LHX8: variants seen among roughly 807,000 people sequenced by gnomAD.
LHX8 encodes the protein LIM/homeobox protein Lhx8.
Under a neutral mutation model 40.3 loss-of-function variants are expected in LHX8, and 12 were observed. The observed-to-expected ratio is 0.30, with a 90% confidence interval of 0.19 to 0.48. LHX8 has a LOEUF of 0.48. Ranked by LOEUF, LHX8 falls within the 20% of genes least tolerant of loss-of-function variation. The pLI, the probability that LHX8 is intolerant of heterozygous loss-of-function variation, is 0.99. For missense variants in LHX8, 344 were observed against 433.7 expected, an observed-to-expected ratio of 0.79 and a Z score of 1.84; for synonymous variants, 179 against 162.0, an observed-to-expected ratio of 1.10 and a Z score of -0.80.
chr1:75,169,191 C>A, the LHX8 span, among the ~76,000 whole-genome samples: 1 of 152,114 alleles, frequency 6.6e-6, no homozygotes. Flanking sequence ...TTCACTTGCT[C>A]TCTTGCTTCC....
At chr1:75,177,485 T>G in the LHX8 span, among the ~76,000 whole-genome samples, 1 of 152,220 alleles carries the variant, frequency 6.6e-6, no homozygotes, top group African/African-American at 2.4e-5. Context: ...TGTCTATTAT[T>G]GATGTATAAG....
At chr1:75,138,223 G>A (rs993690980) in intron 3 of LHX8, among the ~76,000 whole-genome samples, 7 of 152,060 alleles carry the variant, frequency 4.6e-5, no homozygotes, top group African/African-American at 1.7e-4. Flanking sequence ...TAAAATAATG[G>A]TCTCTCCTAC....
chr1:75,160,898 CTTTTTT>C lies in LHX8; in HGVS notation c.*4_*9del. On this transcript the variant is annotated 3_prime_UTR_variant, in exon 9 of 9. Transcript: ENST00000356261. ...AACTGCCAATAAGTCATACCTAATT[CTTTTTT>C]CAGGGATAGACTTGATTAAGGATAT... 1 of 1,600,666 alleles carries C rather than the reference CTTTTTT, an allele frequency of 6.2e-7. No homozygotes were observed. Among genetic ancestry groups the C allele is most frequent in the Non-Finnish European group, 8.6e-7 (1 of 1,167,988 alleles).
chr1:75,172,334 G>T, the LHX8 span, among the ~76,000 whole-genome samples: 6 of 152,096 alleles, frequency 3.9e-5, no homozygotes, highest in Non-Finnish European at 5.9e-5. Flanking sequence ...AATAACTATT[G>T]CCCAAATAGG....
chr1:75,186,699 C>A, the LHX8 span, among the ~76,000 whole-genome samples: 2 of 152,112 alleles, frequency 1.3e-5, no homozygotes, highest in African/African-American at 4.8e-5. Context: ...TGCTTGTTAG[C>A]TTCCAAGGCA....
chr1:75,149,862 T>A (rs1328687441), intron 7 of LHX8, among the ~76,000 whole-genome samples: 1 of 152,188 alleles, frequency 6.6e-6, no homozygotes, highest in Non-Finnish European at 1.5e-5. Flanking sequence ...AACATTTTAT[T>A]GAGTGAACAC....
intron 1 of LHX8, among the ~76,000 whole-genome samples, chr1:75,128,810 A>G (rs986978511): frequency 2.6e-5 from 4 of 152,284 alleles, no homozygotes; most frequent in African/African-American, 9.6e-5. Context: ...GGAGATGAAA[A>G]AGGTGTTCAT....
chr1:75,166,170 T>C (rs1263697851), downstream of LHX8, among the ~76,000 whole-genome samples: 1 of 152,244 alleles, frequency 6.6e-6, no homozygotes, highest in Non-Finnish European at 1.5e-5. Flanking sequence ...CAAAGCACTT[T>C]GTGCATTTCT....
intron 7 of LHX8, among the ~76,000 whole-genome samples, chr1:75,150,256 T>A (rs1168175957): frequency 3.9e-5 from 6 of 152,158 alleles, no homozygotes; most frequent in African/African-American, 1.4e-4. Context: ...CAGTGACTTA[T>A]AAATTTCAAG....
chr1:75,136,988 G>T, intron 2 of LHX8, 112 bp from the exon 3 acceptor site: 3 of 1,219,860 alleles, frequency 2.5e-6, no homozygotes, highest in Non-Finnish European at 3.3e-6. Flanking sequence ...TGGGGGTGGG[G>T]TGGGGTGGCC....
chr1:75,180,123 T>C, the LHX8 span, among the ~76,000 whole-genome samples: 1 of 152,174 alleles, frequency 6.6e-6, no homozygotes. Flanking sequence ...GCCCTCAGCA[T>C]TTTTTCCTTC....
At chr1:75,178,400 G>T in the LHX8 span, among the ~76,000 whole-genome samples, 4 of 152,006 alleles carry the variant, frequency 2.6e-5, no homozygotes, top group Admixed American at 6.6e-5. Context: ...TTTAGTCTTG[G>T]GGGGGTGTAT....
chr1:75,129,264 C>G (rs1647900670), intron 1 of LHX8, among the ~76,000 whole-genome samples: 1 of 152,098 alleles, frequency 6.6e-6, no homozygotes. Flanking sequence ...CTCTTAAACC[C>G]TGAACTCCCA....
upstream of LHX8, among the ~76,000 whole-genome samples, chr1:75,132,112 TC>T (rs1647989593): frequency 6.6e-6 from 1 of 152,142 alleles, no homozygotes; most frequent in Non-Finnish European, 1.5e-5. Context: ...AGATAACTTT[TC>T]CGTTGCCCCA....
At chr1:75,133,153 G>C (rs1648018117), upstream of LHX8, 1 of 152,250 alleles carries the variant, frequency 6.6e-6, no homozygotes, top group African/African-American at 2.4e-5. Flanking sequence ...CCGGCAGGGG[G>C]ATGGCTAATA....
intron 7 of LHX8, among the ~76,000 whole-genome samples, chr1:75,151,172 A>G (rs1298379091): frequency 6.6e-6 from 1 of 152,178 alleles, no homozygotes; most frequent in Non-Finnish European, 1.5e-5. Context: ...TAATTAACAA[A>G]TCACCTGTAC....
At chr1:75,150,493 C>T (rs746100470) in intron 7 of LHX8, among the ~76,000 whole-genome samples, 7 of 151,772 alleles carry the variant, frequency 4.6e-5, no homozygotes, top group Non-Finnish European at 8.8e-5. Flanking sequence ...AGGTGAAGAA[C>T]GGGTTTCAGA....
At chr1:75,139,103 A>G (rs1275775645) in intron 3 of LHX8, among the ~76,000 whole-genome samples, 2 of 152,192 alleles carry the variant, frequency 1.3e-5, no homozygotes, top group African/African-American at 4.8e-5. Flanking sequence ...TGTAACTAAT[A>G]TAGAAAAACA....
At chr1:75,159,684 C>T (rs1316282289) in intron 8 of LHX8, 1 of 152,054 alleles carries the variant, frequency 6.6e-6, no homozygotes, top group Non-Finnish European at 1.5e-5. Flanking sequence ...TAATTTTCCT[C>T]TTTATTTTCT....
Sources: gnomAD v4.1 joint callset for allele counts (sites outside exome capture counted in the v4.1 genomes callset) on GRCh38, gnomAD v4.1.1 for gene constraint, MANE v1.5 for transcripts, NCBI Gene and HGNC (gene_info 2026-07-23, HGNC 2026-07-21) for gene names.